Variants in PHYHIP observed in about 807,000 individuals in gnomAD.
PHYHIP encodes phytanoyl-CoA hydroxylase-interacting protein.
Under a neutral mutation model 26.1 loss-of-function variants are expected in PHYHIP, and 7 were observed. The ratio of observed to expected loss-of-function variants is 0.27; its 90% CI spans 0.15 to 0.50. PHYHIP has a LOEUF of 0.50. Among genes scored for constraint, PHYHIP ranks in the 20% least tolerant of loss-of-function variants. The probability of loss-of-function intolerance (pLI) is 0.98; values close to 1 mark genes in which losing one functional copy is unlikely to be tolerated. For synonymous variants in PHYHIP, 206 were observed against 183.4 expected, an observed-to-expected ratio of 1.12 and a Z score of -1.00; for missense variants, 232 against 454.7, an observed-to-expected ratio of 0.51 and a Z score of 4.45.
intron 2 of PHYHIP, chr8:22,227,700 G>A: frequency 2.2e-6 from 1 of 456,524 alleles, no homozygotes. Flanking sequence ...TGGCAGGCCA[G>A]CAGGTGAGGG....
chr8:22,220,259 C>A lies in PHYHIP; in HGVS notation c.*1094G>T, dbSNP rs1289613315. ...AATGAGGCAAAAACACAAGGAGGCC[C>A]GGGAAGGACTTCACCAAGAACTCCC... On this transcript the variant is annotated 3_prime_UTR_variant, in exon 5 of 5. Transcript: ENST00000454243. The A allele has an allele frequency of 2.6e-5, 4 of 152,238 alleles. No individual in the cohort carries two copies. Among genetic ancestry groups the A allele is most frequent in the Non-Finnish European group, 5.9e-5 (4 of 68,114 alleles). The allele number at this position is 152,238 out of a possible 1,614,324, so 9.4% of individuals were successfully genotyped here.
At chr8:22,229,366 TC>T (rs2131933367) in intron 1 of PHYHIP, among the ~76,000 whole-genome samples, 1 of 152,288 alleles carries the variant, frequency 6.6e-6, no homozygotes, top group African/African-American at 2.4e-5. Flanking sequence ...GCATTTTTCC[TC>T]CTTCCATCGT....
intron 2 of PHYHIP, chr8:22,227,690 T>C (rs1198846016): frequency 4.4e-6 from 2 of 454,330 alleles, no homozygotes; most frequent in Non-Finnish European, 8.8e-6. Context: ...GTCAAGCAAA[T>C]GGCAGGCCAG....
At position 22,227,715 on chromosome 8, in the gene PHYHIP, G is replaced by A. The variant is rs142291908; in HGVS notation, c.165+478C>T. 26 of 456,764 alleles carry A rather than the reference G, an allele frequency of 5.7e-5. 2 individuals carry two copies. Among genetic ancestry groups the A allele is most frequent in the African/African-American group, 3.6e-4 (18 of 50,216 alleles). The allele number at this position is 456,764 out of a possible 1,614,324, so 28.3% of individuals were successfully genotyped here. A position where few individuals can be genotyped will look rare whatever the true frequency, so the allele number is the denominator to read the frequency against. On this transcript the variant is annotated intron_variant, in intron 2 of 4. Coordinates refer to ENST00000454243, the MANE Select transcript of PHYHIP (RefSeq NM_014759.5). ...TGGCAGGCCAGCAGGTGAGGGGCCC[G>A]AGAGGGAGAACTGAGGCCACAGCAA... is the stretch of plus-strand genomic sequence containing the variant.
Position 22,226,806 on chromosome 8 carries a change from C to T in PHYHIP, c.340+45G>A, listed in dbSNP as rs763585330. 9.6e-6 allele frequency: 15 copies of T among 1,557,398 alleles called. No homozygotes were observed. The Admixed American group carries it at 1.1e-4, about 11-fold the overall frequency. ...GACCCGCCTTGACCACAGCAAAGCC[C>T]GACGTGCCAAGCAGCAGGACAGGGG... On this transcript the variant is annotated intron_variant, in intron 3 of 4. Transcript: ENST00000454243.
At chr8:22,227,405 G>T (rs377268345) in intron 2 of PHYHIP, among the ~76,000 whole-genome samples, 56 of 152,330 alleles carry the variant, frequency 3.7e-4, no homozygotes, top group Middle Eastern at 3.4e-3. Context: ...TTATTCTTTG[G>T]GGGGGAGGGT....
chr8:22,221,755 C>G lies in PHYHIP; in HGVS notation c.591G>C (p.Gln197His). The G allele has an allele frequency of 6.2e-7, 1 of 1,613,036 alleles. No individual in the cohort carries two copies. The highest frequency in any genetic ancestry group is 1.7e-4 in the Middle Eastern group (1 of 6,058). Residue 197 changes from glutamine to histidine, a missense_variant, in exon 5 of 5, where the codon CAG becomes CAC. By Grantham distance (24) the Gln-to-His change is conservative. Transcript: ENST00000454243. The surrounding 1 kb of genome is among the most constrained non-coding windows in gnomAD (Gnocchi z 7.9). ...NTEFNTGQPPQDSPYGRWRFQ... is the reference protein window; with the variant it reads ...NTEFNTGQPPHDSPYGRWRFQ... ...AGCGCCAGCGGCCGTAGGGGGAGTC[C>G]TGCGGGGGCTGGCCCGTGTTGAACT...
intron 3 of PHYHIP, among the ~76,000 whole-genome samples, 189 bp downstream of exon 3, chr8:22,226,662 G>A (rs1026977674): frequency 3.3e-5 from 5 of 152,220 alleles, no homozygotes; most frequent in Non-Finnish European, 7.3e-5. Flanking sequence ...AGTGAGAGAA[G>A]AGAAAGGTTG....
chr8:22,221,299 C>A lies in PHYHIP; in HGVS notation c.*54G>T. On this transcript the variant is annotated 3_prime_UTR_variant, in exon 5 of 5. Transcript: ENST00000454243. This position sits in a 1 kb window ranked among gnomAD's most constrained non-coding sequence, Gnocchi z 7.9. Reference sequence around the variant, plus strand: ...AAGCCAGCTCCCTGAACCTGGGCTACCCACCTCCACCTTCCGCTCATCTCT... The same window carrying A: ...AAGCCAGCTCCCTGAACCTGGGCTAACCACCTCCACCTTCCGCTCATCTCT... 1 of 1,490,578 alleles carries A rather than the reference C, an allele frequency of 6.7e-7. No individual in the cohort carries two copies. The allele number at this position is 1,490,578 out of a possible 1,614,324, so 92.3% of individuals were successfully genotyped here.
chr8:22,225,930 C>T (rs1359011323), intron 3 of PHYHIP, among the ~76,000 whole-genome samples: 1 of 152,136 alleles, frequency 6.6e-6, no homozygotes, highest in Non-Finnish European at 1.5e-5. Context: ...CTCAGAGGCC[C>T]GGGGCTGAGA....
chr8:22,226,628 T>C (rs1337057323), intron 3 of PHYHIP, among the ~76,000 whole-genome samples: 1 of 152,182 alleles, frequency 6.6e-6, no homozygotes, highest in Non-Finnish European at 1.5e-5. Context: ...GCCAGCGTGA[T>C]TAGTGGGGTT....
chr8:22,230,691 C>T (rs1394722620), intron 1 of PHYHIP, among the ~76,000 whole-genome samples: 1 of 152,176 alleles, frequency 6.6e-6, no homozygotes, highest in African/African-American at 2.4e-5. Flanking sequence ...CCACCCGCGT[C>T]CCACACCTCC....
At position 22,231,143 on chromosome 8, in the gene PHYHIP, A is replaced by G. The variant is rs577102802; in HGVS notation, c.-30+653T>C. On this transcript the variant is annotated intron_variant, in intron 1 of 4. Transcript: ENST00000454243. ...CACCTACGTGGCTCTGCCCACAGAC[A>G]ATGGTTTCTGCCCCTTCTTCTCTTT... 7.2e-5 allele frequency among the ~76,000 whole-genome samples: 11 copies of G among 152,234 alleles called. No homozygotes were observed. The East Asian group carries it at 2.1e-3, about 29-fold the overall frequency.
chr8:22,230,538 A>AAG (rs1251586489), intron 1 of PHYHIP, among the ~76,000 whole-genome samples: 1 of 151,976 alleles, frequency 6.6e-6, no homozygotes, highest in Non-Finnish European at 1.5e-5. Flanking sequence ...AAGACTGGGG[A>AAG]AGGGCAGGGT....
intron 2 of PHYHIP, chr8:22,227,508 G>A (rs1288828007): frequency 1.9e-5 from 8 of 414,482 alleles, no homozygotes; most frequent in East Asian, 7.2e-5. Context: ...GAAAGAGAGC[G>A]GGTGAGTAAC....
Position 22,228,466 on chromosome 8 carries a change from G to A in PHYHIP, c.-29-80C>T, listed in dbSNP as rs905063725. The A allele has an allele frequency of 6.9e-5, 53 of 767,838 alleles. 1 individual carries two copies. The African/African-American group carries it at 7.3e-4, about 11-fold the overall frequency. The allele number at this position is 767,838 out of a possible 1,614,324, so 47.6% of individuals were successfully genotyped here. ...ATGTCCTCCTCCCAATATCCCTTTC[G>A]AGGCGGAACCTCAAGGACCCCTGGA... On this transcript the variant is annotated intron_variant, in intron 1 of 4. Coordinates refer to ENST00000454243, the MANE Select transcript of PHYHIP (RefSeq NM_014759.5).
At position 22,221,668 on chromosome 8, in the gene PHYHIP, G is replaced by A. The variant is rs1222383816; in HGVS notation, c.678C>T (p.Tyr226=). The A allele has an allele frequency of 6.2e-7, 1 of 1,612,918 alleles. No homozygotes were observed. The highest frequency in any genetic ancestry group is 8.5e-7 in the Non-Finnish European group (1 of 1,179,600). The change falls in exon 5 of 5, where the codon TAC becomes TAT. Residue 226 remains tyrosine (Y), a synonymous_variant. Transcript: ENST00000454243. The surrounding 1 kb of genome is among the most constrained non-coding windows in gnomAD (Gnocchi z 7.9). ...PSTNLYFADF[Y]CMYTAYHYAI... ...CGTAGTGGTAGGCCGTGTACATGCA[G>A]TAGAAGTCCGCAAAGTAGAGGTTGG... is the stretch of plus-strand genomic sequence containing the variant.
rs1829611995 is a variant in PHYHIP at position 22,221,085 on chromosome 8, G to C, written c.*268C>G. 4.5e-6 allele frequency: 2 copies of C among 448,080 alleles called. No individual in the cohort carries two copies. The highest frequency in any genetic ancestry group is 6.6e-5 in the East Asian group (2 of 30,522). The allele number at this position is 448,080 out of a possible 1,614,324, so 27.8% of individuals were successfully genotyped here. On this transcript the variant is annotated 3_prime_UTR_variant, in exon 5 of 5. Transcript: ENST00000454243. The surrounding 1 kb of genome is among the most constrained non-coding windows in gnomAD (Gnocchi z 7.9). ...AAAGAACAGTAGGACAAGGAAACCA[G>C]AGGAAAGGGGAAGTTCTCCAGAAGT...
intron 1 of PHYHIP, 183 bp from the exon 2 acceptor site, chr8:22,228,569 T>C: frequency 2.0e-6 from 1 of 510,578 alleles, no homozygotes; most frequent in East Asian, 3.2e-5. Flanking sequence ...TGGAAAGGGG[T>C]GCCTGCCCGG....
Sources: allele counts gnomAD v4.1 joint callset (sites outside exome capture counted in the v4.1 genomes callset), GRCh38; gene constraint gnomAD v4.1.1; non-coding constraint Gnocchi (gnomAD v3.1); transcripts MANE v1.5; gene names NCBI Gene and HGNC (gene_info 2026-07-23, HGNC 2026-07-21).